The following THEMIS variants were observed in gnomAD, a reference collection of about 807,000 sequenced individuals.
THEMIS encodes the protein protein THEMIS.
A neutral mutation model predicts 52.6 loss-of-function variants in THEMIS; 37 were observed. The observed-to-expected ratio is 0.70, with a 90% CI of 0.54 to 0.93. The LOEUF (loss-of-function observed/expected upper bound fraction) is 0.93, where lower values mean the gene tolerates loss of function less well. Among genes scored for constraint, THEMIS ranks in the 40% least tolerant of loss-of-function variants. The pLI is 0.00. For synonymous variants in THEMIS, 292 were observed against 272.7 expected (o/e 1.07, Z -0.70); for missense variants, 808 against 763.1 (o/e 1.06, Z -0.69).
At chr6:127,728,110 T>G (rs1324429829) in intron 4 of THEMIS, among the ~76,000 whole-genome samples, 1 of 152,158 alleles carries the variant, frequency 6.6e-6, no homozygotes, top group Admixed American at 6.6e-5. Context: ...CAGACCTTAA[T>G]ATTCACACCA....
intron 2 of THEMIS, among the ~76,000 whole-genome samples, chr6:127,838,408 G>A (rs1179276273): frequency 6.6e-6 from 1 of 151,948 alleles, no homozygotes; most frequent in Non-Finnish European, 1.5e-5. Context: ...TTTCCTATTA[G>A]TGTTCTACTA....
chr6:127,703,027 T>C, the THEMIS span, among the ~76,000 whole-genome samples: 17 of 139,114 alleles, frequency 1.2e-4, no homozygotes, highest in Admixed American at 2.9e-4. Context: ...ACAAGACCTT[T>C]AGAATGAGTT....
chr6:127,915,428 C>T (rs943748707), intron 1 of THEMIS, among the ~76,000 whole-genome samples: 2 of 152,120 alleles, frequency 1.3e-5, no homozygotes, highest in Non-Finnish European at 2.9e-5. Context: ...CACTTAGGAA[C>T]ATTCACAGAT....
At chr6:127,755,879 T>C (rs1775806199) in intron 4 of THEMIS, among the ~76,000 whole-genome samples, 1 of 151,810 alleles carries the variant, frequency 6.6e-6, no homozygotes, top group Admixed American at 6.6e-5. Context: ...ATACAAAAAT[T>C]AGCCCAGCAT....
intron 4 of THEMIS, among the ~76,000 whole-genome samples, chr6:127,731,596 A>G (rs1275027887): frequency 6.6e-6 from 1 of 151,562 alleles, no homozygotes; most frequent in Non-Finnish European, 1.5e-5. Context: ...AAAAAAAAAA[A>G]AAGGTTCTAA....
intron 2 of THEMIS, among the ~76,000 whole-genome samples, chr6:127,854,790 G>A (rs2114297050): frequency 6.6e-6 from 1 of 151,868 alleles, no homozygotes; most frequent in South Asian, 2.1e-4. Flanking sequence ...CTCACTAAAT[G>A]TTTGTTAACC....
intron 1 of THEMIS, among the ~76,000 whole-genome samples, chr6:127,865,164 T>C (rs1779933990): frequency 2.6e-5 from 4 of 152,126 alleles, no homozygotes; most frequent in Admixed American, 2.6e-4. Flanking sequence ...GTCAAACTCA[T>C]ACAGTGTGGC....
At chr6:127,769,268 T>C (rs548582236) in intron 4 of THEMIS, among the ~76,000 whole-genome samples, 4 of 152,316 alleles carry the variant, frequency 2.6e-5, no homozygotes, top group African/African-American at 9.6e-5. Context: ...CACATTGTTC[T>C]AGTCAGTCAT....
At chr6:127,879,619 C>T (rs1459342449) in intron 1 of THEMIS, among the ~76,000 whole-genome samples, 1 of 136,774 alleles carries the variant, frequency 7.3e-6, no homozygotes, top group Non-Finnish European at 1.5e-5. Flanking sequence ...TGCTGTGTCA[C>T]TCTGAAAAAA....
chr6:127,740,245 G>A (rs559645090), intron 4 of THEMIS, among the ~76,000 whole-genome samples: 24 of 151,944 alleles, frequency 1.6e-4, no homozygotes, highest in Non-Finnish European at 3.1e-4. Context: ...TAAAATCCCC[G>A]TGAAATTAAG....
At chr6:127,788,247 AAGTTTGCC>A (rs1454980044) in intron 4 of THEMIS, among the ~76,000 whole-genome samples, 2 of 152,130 alleles carry the variant, frequency 1.3e-5, no homozygotes, top group Non-Finnish European at 2.9e-5. Flanking sequence ...TACTTTAACC[AAGTTTGCC>A]AGTGGTCTTT....
intron 4 of THEMIS, among the ~76,000 whole-genome samples, chr6:127,808,486 T>C (rs1484390036): frequency 6.6e-6 from 1 of 152,168 alleles, no homozygotes; most frequent in African/African-American, 2.4e-5. Context: ...CAGATTAAAA[T>C]TCAGATGCAC....
rs542130891 is a variant in THEMIS at position 127,728,074 on chromosome 6, C to T, written c.1759-8251G>A. ...CCTCTAGCTCATGTTATCCTGTTTG[C>T]TTTCCCTCTCCAAACATGACATCAA... On this transcript the variant is annotated intron_variant, in intron 4 of 5. Coordinates refer to ENST00000368248, the MANE Select transcript of THEMIS (RefSeq NM_001010923.3). Among the ~76,000 whole-genome samples the T allele has an allele frequency of 2.4e-4, 37 of 152,270 alleles. No individual in the cohort carries two copies. In the South Asian group the frequency reaches 6.0e-3, roughly 25 times the overall value.
At chr6:127,877,800 G>T (rs1048093951) in intron 1 of THEMIS, among the ~76,000 whole-genome samples, 4 of 152,106 alleles carry the variant, frequency 2.6e-5, no homozygotes, top group South Asian at 2.1e-4. Flanking sequence ...GGTGGAAAAT[G>T]GTGCCAATAG....
intron 4 of THEMIS, chr6:127,807,214 A>T (rs1777743326): frequency 5.4e-6 from 1 of 185,816 alleles, no homozygotes; most frequent in Admixed American, 6.3e-5. Flanking sequence ...TACAAAAATT[A>T]CCTGGACGTG....
intron 1 of THEMIS, among the ~76,000 whole-genome samples, chr6:127,879,952 CCT>C (rs1780429697): frequency 6.6e-6 from 1 of 152,172 alleles, no homozygotes; most frequent in Admixed American, 6.6e-5. Flanking sequence ...TGCCCAGACT[CCT>C]CCCCCGGGTG....
At position 127,900,940 on chromosome 6, in the gene THEMIS, C is replaced by G. The variant is rs373644699; in HGVS notation, c.-8G>C. 49 of 1,611,540 alleles carry G rather than the reference C, an allele frequency of 3.0e-5. No individual in the cohort carries two copies. The highest frequency in any genetic ancestry group is 4.0e-5 in the Non-Finnish European group (47 of 1,178,180). On this transcript the variant is annotated 5_prime_UTR_variant, in exon 1 of 6. Coordinates refer to ENST00000368248, the MANE Select transcript of THEMIS (RefSeq NM_001010923.3). ...TTCCAGTGATAATGCCATTGCTATG[C>G]CTTGGGTAGTTTGTAGACCTGGTGC... is the stretch of plus-strand genomic sequence containing the variant.
chr6:127,773,740 G>C (rs1365475967), intron 4 of THEMIS, among the ~76,000 whole-genome samples: 1 of 151,960 alleles, frequency 6.6e-6, no homozygotes, highest in Non-Finnish European at 1.5e-5. Context: ...AATATTGGTG[G>C]CTACCGAAAA....
intron 4 of THEMIS, among the ~76,000 whole-genome samples, chr6:127,810,585 C>A (rs1383753649): frequency 6.6e-6 from 1 of 152,122 alleles, no homozygotes; most frequent in Non-Finnish European, 1.5e-5. Context: ...AGAGATGGAG[C>A]CTGCTGGCAT....
Sources: gnomAD v4.1 joint callset for allele counts (sites outside exome capture counted in the v4.1 genomes callset) on GRCh38, gnomAD v4.1.1 for gene constraint, MANE v1.5 for transcripts, NCBI Gene and HGNC (gene_info 2026-07-23, HGNC 2026-07-21) for gene names.